Variants in TEX26 observed in about 807,000 individuals in gnomAD.
TEX26 encodes testis-expressed protein 26.
TEX26 carries 34 observed loss-of-function variants against 35.3 expected under a neutral mutation model. The ratio of observed to expected loss-of-function variants is 0.96; its 90% CI spans 0.73 to 1.28. The LOEUF (loss-of-function observed/expected upper bound fraction) is 1.28, where lower values mean the gene tolerates loss of function less well. TEX26 is among the 50% of genes most tolerant of loss of function. TEX26 has a pLI of 0.00. For missense variants in TEX26, 371 were observed against 330.1 expected (o/e 1.12, Z -0.96); for synonymous variants, 136 against 111.8 (o/e 1.22, Z -1.36).
intron 2 of TEX26, among the ~76,000 whole-genome samples, chr13:30,951,212 GGGCATGGT>G (rs1953908472): frequency 6.6e-6 from 1 of 151,942 alleles, no homozygotes; most frequent in Non-Finnish European, 1.5e-5. Flanking sequence ...TAAATCAGCT[GGGCATGGT>G]GGTACATGCC....
At chr13:30,960,009 T>C (rs1157112246) in intron 4 of TEX26, among the ~76,000 whole-genome samples, 1 of 152,292 alleles carries the variant, frequency 6.6e-6, no homozygotes, top group East Asian at 1.9e-4. Context: ...TGAAGGGAAG[T>C]GATTTCCAAC....
chr13:30,957,094 G>T, intron 4 of TEX26, 65 bp downstream of exon 4: 2 of 1,517,342 alleles, frequency 1.3e-6, no homozygotes, highest in Non-Finnish European at 1.8e-6. Context: ...GCAGTGGTCG[G>T]CAGCATGCGT....
intron 3 of TEX26, among the ~76,000 whole-genome samples, chr13:30,954,778 A>G (rs1378147256): frequency 6.6e-6 from 1 of 152,222 alleles, no homozygotes; most frequent in Admixed American, 6.5e-5. Context: ...TTTTAAAATT[A>G]ATGTAGAAGA....
At chr13:30,953,733 G>A (rs1159978962) in intron 3 of TEX26, among the ~76,000 whole-genome samples, 1 of 152,134 alleles carries the variant, frequency 6.6e-6, no homozygotes, top group Non-Finnish European at 1.5e-5. Flanking sequence ...TCTCCCCTGG[G>A]TGGAAATAGC....
In TEX26 at chr13:30,974,911, G is replaced by A; in HGVS notation, c.*4G>A. On this transcript the variant is annotated 3_prime_UTR_variant, in exon 7 of 7. Coordinates refer to ENST00000380473, the MANE Select transcript of TEX26 (RefSeq NM_152325.3). ...CACTAACAAAAAGAAGAAATGAAAA[G>A]GGAAAATAGTACAAATGAAGAAAAT... 1.3e-6 allele frequency: 2 copies of A among 1,546,632 alleles called. No individual in the cohort carries two copies. Among genetic ancestry groups the A allele is most frequent in the Non-Finnish European group, 1.7e-6 (2 of 1,143,602 alleles).
intron 2 of TEX26, among the ~76,000 whole-genome samples, chr13:30,946,308 TA>T (rs1566146242): frequency 1.3e-5 from 2 of 151,940 alleles, no homozygotes; most frequent in South Asian, 2.1e-4. Flanking sequence ...TGATTTTTTT[TA>T]AAATCTATTT....
intron 4 of TEX26, among the ~76,000 whole-genome samples, chr13:30,964,914 TC>T (rs1207016822): frequency 6.6e-6 from 1 of 152,098 alleles, no homozygotes; most frequent in Non-Finnish European, 1.5e-5. Flanking sequence ...CCCAAACACC[TC>T]CCATTAGGCC....
chr13:30,956,262 G>A (rs552295305), intron 3 of TEX26, among the ~76,000 whole-genome samples: 28 of 148,616 alleles, frequency 1.9e-4, no homozygotes, highest in Admixed American at 5.4e-4. Context: ...GAGAACATGC[G>A]GTGTTTGGTT....
Position 30,974,418 on chromosome 13 carries a change from T to C in TEX26, c.809-428T>C, listed in dbSNP as rs151101725. 9.5e-4 allele frequency among the ~76,000 whole-genome samples: 144 copies of C among 152,262 alleles called. 1 individual carries two copies. Among genetic ancestry groups the C allele is most frequent in the African/African-American group, 3.4e-3 (140 of 41,546 alleles). ...ACAAAAGGATAAGACAACCATTTAT[T>C]GTTTTTGATGGGCCAGGCACTGTCT... On this transcript the variant is annotated intron_variant, in intron 6 of 6. Coordinates refer to ENST00000380473, the MANE Select transcript of TEX26 (RefSeq NM_152325.3).
At chr13:30,937,270 G>T (rs1348377989) in intron 1 of TEX26, among the ~76,000 whole-genome samples, 1 of 152,202 alleles carries the variant, frequency 6.6e-6, no homozygotes, top group African/African-American at 2.4e-5. Context: ...GACCCTAGAT[G>T]GGCGGGAACA....
chr13:30,959,367 A>G (rs1266624693), intron 4 of TEX26, among the ~76,000 whole-genome samples: 1 of 152,030 alleles, frequency 6.6e-6, no homozygotes, highest in East Asian at 1.9e-4. Flanking sequence ...GCTCCTCTTC[A>G]TTCATGAATT....
chr13:30,939,793 G>A lies in TEX26; in HGVS notation c.146+15G>A. On this transcript the variant is annotated intron_variant, in intron 2 of 6. Transcript: ENST00000380473. ...GCCTTAATTCGGTAGATCATTATTTGTGTTGGATTGATATACATGTTTTAA... is the reference window on the plus strand; with the variant it reads ...GCCTTAATTCGGTAGATCATTATTTATGTTGGATTGATATACATGTTTTAA... The A allele has an allele frequency of 1.2e-6, 2 of 1,604,920 alleles. No homozygotes were observed. Among genetic ancestry groups the A allele is most frequent in the Non-Finnish European group, 1.7e-6 (2 of 1,171,918 alleles).
intron 1 of TEX26, among the ~76,000 whole-genome samples, chr13:30,934,868 T>C (rs1451218078): frequency 6.6e-6 from 1 of 152,202 alleles, no homozygotes; most frequent in Non-Finnish European, 1.5e-5. Context: ...AGCCTCCCTG[T>C]GCCTCTGAGC....
chr13:30,936,441 C>T (rs1406987002), intron 1 of TEX26, among the ~76,000 whole-genome samples: 1 of 152,186 alleles, frequency 6.6e-6, no homozygotes. Context: ...TGTTTTACTT[C>T]ATGTCCTGTG....
chr13:30,942,870 C>G (rs889720788), intron 2 of TEX26, among the ~76,000 whole-genome samples: 21 of 151,800 alleles, frequency 1.4e-4, no homozygotes, highest in Non-Finnish European at 2.1e-4. Flanking sequence ...AAACCAGTAC[C>G]ATGCTCTTTT....
At chr13:30,940,322 CTTTTTTTTTTTTT>C (rs869246492) in intron 2 of TEX26, among the ~76,000 whole-genome samples, 74 of 52,044 alleles carry the variant, frequency 1.4e-3, no homozygotes, top group South Asian at 2.1e-3. Flanking sequence ...CATCAGCTGC[CTTTTTTTTTTTTT>C]TTTTTTTTTT....
chr13:30,971,399 G>A (rs377646679), intron 6 of TEX26, among the ~76,000 whole-genome samples: 3 of 152,252 alleles, frequency 2.0e-5, no homozygotes, highest in East Asian at 3.9e-4. Context: ...TGGAATAGAA[G>A]CCTAGAACAG....
At chr13:30,940,931 C>G (rs1953477462) in intron 2 of TEX26, among the ~76,000 whole-genome samples, 1 of 152,118 alleles carries the variant, frequency 6.6e-6, no homozygotes, top group Admixed American at 6.6e-5. Flanking sequence ...CAGCGAGGCT[C>G]TGTCTCAAAA....
intron 1 of TEX26, 122 bp downstream of exon 1, chr13:30,932,898 C>A: frequency 9.3e-7 from 1 of 1,075,718 alleles, no homozygotes; most frequent in Non-Finnish European, 1.3e-6. Flanking sequence ...GGAGTATGCT[C>A]AACTGAGGAA....
Sources: gnomAD v4.1 joint callset for allele counts (sites outside exome capture counted in the v4.1 genomes callset) on GRCh38, gnomAD v4.1.1 for gene constraint, MANE v1.5 for transcripts, NCBI Gene and HGNC (gene_info 2026-07-23, HGNC 2026-07-21) for gene names.